TCF12: variants seen among roughly 807,000 people sequenced by gnomAD.
TCF12 encodes the protein transcription factor 12.
A neutral mutation model predicts 86.0 loss-of-function variants in TCF12; 45 were observed. That is an observed-to-expected ratio of 0.52 (90% CI 0.41 to 0.67). The LOEUF (loss-of-function observed/expected upper bound fraction) is 0.67. TCF12 is among the 30% of genes least tolerant of loss of function. The pLI is 0.00. For missense variants in TCF12, 881 were observed against 859.9 expected, an observed-to-expected ratio of 1.02 and a Z score of -0.31; for synonymous variants, 330 against 299.6, an observed-to-expected ratio of 1.10 and a Z score of -1.05.
intron 16 of TCF12, among the ~76,000 whole-genome samples, chr15:57,261,273 T>C (rs1253926034): frequency 6.6e-6 from 1 of 152,094 alleles, no homozygotes; most frequent in Non-Finnish European, 1.5e-5. Flanking sequence ...TCATGGAAAG[T>C]GTGGTGGAAG....
chr15:56,925,405 TTC>T (rs1272880612), intron 3 of TCF12, among the ~76,000 whole-genome samples: 1 of 152,176 alleles, frequency 6.6e-6, no homozygotes, highest in East Asian at 1.9e-4. Flanking sequence ...AAATTCAAGT[TTC>T]TGTCTTCAAG....
chr15:57,012,454 A>G (rs2064888360), intron 3 of TCF12, among the ~76,000 whole-genome samples: 1 of 152,212 alleles, frequency 6.6e-6, no homozygotes, highest in Non-Finnish European at 1.5e-5. Flanking sequence ...AGTAGAAACT[A>G]TTATTCTAAC....
chr15:57,217,602 A>T (rs2058383910), intron 8 of TCF12, among the ~76,000 whole-genome samples: 1 of 152,152 alleles, frequency 6.6e-6, no homozygotes, highest in African/African-American at 2.4e-5. Context: ...TGATTATAAA[A>T]ATGTTGAAGT....
At chr15:56,999,398 A>G (rs117138143) in intron 3 of TCF12, among the ~76,000 whole-genome samples, 1,473 of 59,294 alleles carry the variant, frequency 0.025, 12 homozygotes, top group Admixed American at 0.034. Flanking sequence ...ATAAAAAACT[A>G]GTATCAGCAA....
At chr15:57,220,201 T>C (rs906658064) in intron 8 of TCF12, among the ~76,000 whole-genome samples, 1 of 152,242 alleles carries the variant, frequency 6.6e-6, no homozygotes, top group Non-Finnish European at 1.5e-5. Flanking sequence ...ACATTTGTTT[T>C]TATGTTTTCG....
rs1471806505 is a variant in TCF12, at chr15:56,949,870, T to G, written c.148+28772T>G. 3.9e-5 allele frequency among the ~76,000 whole-genome samples: 6 copies of G among 152,188 alleles called. 1 individual carries two copies. The highest frequency in any genetic ancestry group is 1.4e-4 in the African/African-American group (6 of 41,434). On this transcript the variant is annotated intron_variant, in intron 3 of 20. Transcript: ENST00000333725. ...TTGTGTCTAGAGAATTGGTGCATGT[T>G]TTGCTAGTGTGCTAGACAAAGGCAT... is the stretch of plus-strand genomic sequence containing the variant.
intron 4 of TCF12, among the ~76,000 whole-genome samples, chr15:57,090,218 A>C (rs2048904581): frequency 6.6e-6 from 1 of 151,336 alleles, no homozygotes; most frequent in Non-Finnish European, 1.5e-5. Context: ...CCCTGTCTCC[A>C]AAACAAAAAC....
chr15:57,060,203 A>AAATGTTT lies in TCF12; in HGVS notation c.149-3546_149-3540dup, dbSNP rs1596336532. ...ATTGCTCTTAGTTACTTTTCTTGTTAAATGTTTTCACAAAAGAAAGAGGCG... is the reference window on the plus strand; with the variant it reads ...ATTGCTCTTAGTTACTTTTCTTGTTAAATGTTTAATGTTTTCACAAAAGAAAGAGGCG... On this transcript the variant is annotated intron_variant, in intron 3 of 20. Coordinates refer to ENST00000333725, the MANE Select transcript of TCF12 (RefSeq NM_207037.2). Among the ~76,000 whole-genome samples, 6 of 151,642 alleles carry AAATGTTT rather than the reference A, an allele frequency of 4.0e-5. No individual in the cohort carries two copies. In the East Asian group the frequency reaches 1.2e-3, roughly 29 times the overall value.
chr15:56,920,310 A>T (rs1334727228), intron 2 of TCF12, among the ~76,000 whole-genome samples: 1 of 152,006 alleles, frequency 6.6e-6, no homozygotes, highest in Non-Finnish European at 1.5e-5. Context: ...ATTATTGGGG[A>T]TCTTGTACTT....
At position 57,259,836 on chromosome 15, in the gene TCF12, C is replaced by T. The variant is rs753246738; in HGVS notation, c.1468-2258C>T. Among the ~76,000 whole-genome samples the T allele has an allele frequency of 2.7e-4, 41 of 152,228 alleles. 1 individual carries two copies. Among genetic ancestry groups the T allele is most frequent in the Admixed American group, 1.2e-3 (19 of 15,290 alleles). ...ACACCTGTTGTATGTGTAGACAGAG[C>T]CATTTGAATGTGGAGCTGCGGATTA... is the stretch of plus-strand genomic sequence containing the variant. On this transcript the variant is annotated intron_variant, in intron 16 of 20. Coordinates refer to ENST00000333725, the MANE Select transcript of TCF12 (RefSeq NM_207037.2).
chr15:57,044,492 A>T (rs2067100462), intron 3 of TCF12, among the ~76,000 whole-genome samples: 1 of 152,192 alleles, frequency 6.6e-6, no homozygotes, highest in Non-Finnish European at 1.5e-5. Flanking sequence ...TTGTTAGAGA[A>T]ATTTACAGGG....
rs993069944 is a variant in TCF12, at chr15:57,195,882, G to A, written c.527-1891G>A. Among the ~76,000 whole-genome samples, 8 of 152,126 alleles carry A rather than the reference G, an allele frequency of 5.3e-5. No individual in the cohort carries two copies. In the South Asian group the frequency reaches 1.5e-3, roughly 28 times the overall value. ...TAGCTGGGTGCGGTGGCACACACCT[G>A]TAGTCTAGCTACTCAGGAGACCAAG... On this transcript the variant is annotated intron_variant, in intron 7 of 20. Transcript: ENST00000333725.
At chr15:57,179,131 T>G (rs1455030312) in intron 6 of TCF12, among the ~76,000 whole-genome samples, 1 of 152,126 alleles carries the variant, frequency 6.6e-6, no homozygotes, top group African/African-American at 2.4e-5. Flanking sequence ...AACTACTAGA[T>G]TGTCACGTTT....
intron 3 of TCF12, among the ~76,000 whole-genome samples, chr15:56,936,343 C>G (rs1489806074): frequency 6.6e-6 from 1 of 151,672 alleles, no homozygotes; most frequent in African/African-American, 2.4e-5. Flanking sequence ...TTTTTTCTTG[C>G]TAATTTGTTT....
chr15:57,166,492 A>G (rs776249626), intron 6 of TCF12, 26 bp downstream of exon 6: 3 of 1,598,088 alleles, frequency 1.9e-6, no homozygotes, highest in Non-Finnish European at 1.7e-6. Flanking sequence ...AAAAAAAGCA[A>G]TGAGATGGTT....
At chr15:56,980,900 G>A (rs1277348659) in intron 3 of TCF12, among the ~76,000 whole-genome samples, 1 of 152,190 alleles carries the variant, frequency 6.6e-6, no homozygotes, top group Non-Finnish European at 1.5e-5. Flanking sequence ...GTAGATAGTT[G>A]TTGGATAAAT....
chr15:57,162,005 AGGCCCATGCACAT>A (rs1203564973), intron 5 of TCF12, among the ~76,000 whole-genome samples: 1 of 152,182 alleles, frequency 6.6e-6, no homozygotes, highest in Admixed American at 6.5e-5. Flanking sequence ...TCCGCCCAAG[AGGCCCATGCACAT>A]GTGCACACAC....
intron 5 of TCF12, among the ~76,000 whole-genome samples, chr15:57,147,940 G>A (rs2053475140): frequency 1.3e-5 from 2 of 150,812 alleles, no homozygotes; most frequent in Admixed American, 1.3e-4. Context: ...GAGTGCAGTG[G>A]TGTGGTCATA....
chr15:57,185,616 G>T (rs1446200028), intron 6 of TCF12, among the ~76,000 whole-genome samples: 1 of 152,126 alleles, frequency 6.6e-6, no homozygotes, highest in East Asian at 1.9e-4. Context: ...TATCAACAAG[G>T]TGACTCACAC....
Sources: gnomAD v4.1 joint callset for allele counts (sites outside exome capture counted in the v4.1 genomes callset) on GRCh38, gnomAD v4.1.1 for gene constraint, MANE v1.5 for transcripts, NCBI Gene and HGNC (gene_info 2026-07-23, HGNC 2026-07-21) for gene names.